Variants in PRKCH observed in about 807,000 individuals in gnomAD.
PRKCH encodes protein kinase C eta type.
PRKCH carries 28 observed loss-of-function variants against 82.5 expected under a neutral mutation model. The observed-to-expected ratio is 0.34, with a 90% CI of 0.25 to 0.47. The LOEUF (loss-of-function observed/expected upper bound fraction) is 0.47, where lower values mean the gene tolerates loss of function less well. Among genes scored for constraint, PRKCH ranks in the 20% least tolerant of loss-of-function variants. PRKCH has a pLI of 1.00. For missense variants in PRKCH, 705 were observed against 881.8 expected, an observed-to-expected ratio of 0.80 and a Z score of 2.54; for synonymous variants, 322 against 327.4, an observed-to-expected ratio of 0.98 and a Z score of 0.18.
intron 1 of PRKCH, among the ~76,000 whole-genome samples, chr14:61,227,320 C>T (rs952176733): frequency 1.3e-5 from 2 of 152,136 alleles, no homozygotes; most frequent in African/African-American, 2.4e-5. Flanking sequence ...TGTGGCTGGG[C>T]GCGGTGGCTC....
intron 1 of PRKCH, among the ~76,000 whole-genome samples, chr14:61,372,334 T>C (rs895457659): frequency 3.9e-5 from 6 of 152,116 alleles, no homozygotes; most frequent in Admixed American, 2.6e-4. Flanking sequence ...CCCTTGTATA[T>C]ACACATATCT....
intron 1 of PRKCH, among the ~76,000 whole-genome samples, chr14:61,243,612 C>T (rs2044858818): frequency 6.6e-6 from 1 of 151,860 alleles, no homozygotes. Flanking sequence ...ATGGTTTTTG[C>T]ATTTTATTTT....
rs531084946 is a variant in PRKCH, at chr14:61,294,125, T to A, written c.-19+106457T>A. Among the ~76,000 whole-genome samples the A allele has an allele frequency of 1.1e-4, 17 of 149,454 alleles. 1 individual carries two copies. The highest frequency in any genetic ancestry group is 4.2e-4 in the African/African-American group (17 of 40,364). ...ATTGTTTGAAGTTTTATTTTTATTT[T>A]TATTTTTTTTTTTGAGACAGAGTCT... On this transcript the variant is annotated intron_variant, in intron 1 of 3. Transcript: ENST00000555185.
At chr14:61,310,762 G>A (rs142512010) in intron 1 of PRKCH, among the ~76,000 whole-genome samples, 9 of 152,260 alleles carry the variant, frequency 5.9e-5, no homozygotes, top group African/African-American at 1.9e-4. Context: ...CAGTGCCCTA[G>A]CAGAGGTTCT....
chr14:61,199,247 C>T (rs1263817952), intron 1 of PRKCH, among the ~76,000 whole-genome samples: 2 of 152,152 alleles, frequency 1.3e-5, no homozygotes, highest in Non-Finnish European at 2.9e-5. Context: ...ACTAAGAACT[C>T]TTGCATAGAT....
At chr14:61,458,776 G>A (rs1039928929) in intron 9 of PRKCH, among the ~76,000 whole-genome samples, 1 of 152,048 alleles carries the variant, frequency 6.6e-6, no homozygotes, top group African/African-American at 2.4e-5. Flanking sequence ...GAGAGTGAAG[G>A]GGGAAAAGCT....
intron 2 of PRKCH, among the ~76,000 whole-genome samples, chr14:61,424,406 T>G (rs1042840947): frequency 6.6e-5 from 10 of 152,208 alleles, no homozygotes; most frequent in Non-Finnish European, 1.5e-4. Context: ...AAAATGCTGA[T>G]AGCGACATGG....
intron 1 of PRKCH, among the ~76,000 whole-genome samples, chr14:61,358,257 G>A (rs1436993708): frequency 6.6e-6 from 1 of 152,156 alleles, no homozygotes; most frequent in East Asian, 1.9e-4. Context: ...CATTTGTACA[G>A]TGCCTGGCTC....
intron 1 of PRKCH, among the ~76,000 whole-genome samples, chr14:61,248,716 T>C (rs750193237): frequency 7.9e-5 from 12 of 152,208 alleles, no homozygotes; most frequent in South Asian, 6.2e-4. Flanking sequence ...CCCCTCAGAA[T>C]GTGAAGTTAA....
rs980664065 is a variant in PRKCH, at chr14:61,519,209, A to G, written c.1434-9866A>G. Among the ~76,000 whole-genome samples the G allele has an allele frequency of 1.2e-4, 19 of 152,186 alleles. No individual in the cohort carries two copies. In the South Asian group the frequency reaches 2.9e-3, roughly 23 times the overall value. ...AGGTGAGAGGATCGCTTGGGCCCAG[A>G]CGGTCGTGGCTGCAGTGAGCTATGA... On this transcript the variant is annotated intron_variant, in intron 10 of 13. Transcript: ENST00000332981.
intron 1 of PRKCH, chr14:61,306,223 A>G (rs1360808411): frequency 1.3e-5 from 2 of 152,200 alleles, no homozygotes; most frequent in Non-Finnish European, 2.9e-5. Flanking sequence ...GCAGTACTGC[A>G]CAGTCTATGA....
At chr14:61,291,562 T>C (rs1157149673) in intron 1 of PRKCH, among the ~76,000 whole-genome samples, 3 of 152,110 alleles carry the variant, frequency 2.0e-5, no homozygotes, top group Non-Finnish European at 4.4e-5. Context: ...ACTCCTGACC[T>C]CAGGTGATCT....
At chr14:61,250,055 T>G (rs2044929460) in intron 1 of PRKCH, among the ~76,000 whole-genome samples, 2 of 131,504 alleles carry the variant, frequency 1.5e-5, no homozygotes, top group South Asian at 2.7e-4. Context: ...AGGTCAGGAG[T>G]TCAAGGCCAG....
chr14:61,277,843 C>A (rs2045218036), intron 1 of PRKCH: 1 of 152,094 alleles, frequency 6.6e-6, no homozygotes, highest in Non-Finnish European at 1.5e-5. Flanking sequence ...GAATTGAGTT[C>A]ATTTTAACTG....
rs142855409 is a variant in PRKCH, at chr14:61,534,937, A to G, written c.1761+4342A>G. On this transcript the variant is annotated intron_variant, in intron 12 of 13. Transcript: ENST00000332981. ...GCTAACTTGTGAGTAGTAATTTCAC[A>G]ACACACTTAGAGATGTCATTATCCT... 3.3e-3 allele frequency among the ~76,000 whole-genome samples: 509 copies of G among 152,350 alleles called. 1 individual carries two copies. The highest frequency in any genetic ancestry group is 5.8e-3 in the Non-Finnish European group (395 of 68,028).
chr14:61,234,677 G>A (rs2044772985), intron 1 of PRKCH, among the ~76,000 whole-genome samples: 1 of 152,242 alleles, frequency 6.6e-6, no homozygotes. Context: ...CTAAAGAAAT[G>A]AAGGTCAGCT....
At chr14:61,363,493 G>T (rs1168622959) in intron 1 of PRKCH, among the ~76,000 whole-genome samples, 1 of 152,190 alleles carries the variant, frequency 6.6e-6, no homozygotes, top group Non-Finnish European at 1.5e-5. Context: ...ACGGGGAGTG[G>T]ATGAGATGGA....
rs1212257650 is a variant in PRKCH at position 61,322,479 on chromosome 14, C to T, written c.363+15C>T. On this transcript the variant is annotated intron_variant, in intron 1 of 13. Transcript: ENST00000332981. ...TCGAGGGTTGGGTGAGTAGCGGTGA[C>T]CCCTTCCCTTTGTGTCCACCCAACC... 1.3e-6 allele frequency: 2 copies of T among 1,582,590 alleles called. No individual in the cohort carries two copies. The highest frequency in any genetic ancestry group is 1.7e-5 in the Admixed American group (1 of 58,780).
At chr14:61,294,803 T>C (rs1161360965) in intron 1 of PRKCH, among the ~76,000 whole-genome samples, 3 of 152,030 alleles carry the variant, frequency 2.0e-5, no homozygotes, top group South Asian at 4.1e-4. Context: ...AAAAAAAATA[T>C]CAGTATATAT....
Sources: allele counts gnomAD v4.1 joint callset (sites outside exome capture counted in the v4.1 genomes callset), GRCh38; gene constraint gnomAD v4.1.1; transcripts MANE v1.5; gene names NCBI Gene and HGNC (gene_info 2026-07-23, HGNC 2026-07-21).